The following CCDC180 variants were observed in gnomAD, a reference collection of about 807,000 sequenced individuals.
CCDC180 encodes coiled-coil domain-containing protein 180.
CCDC180 carries 154 observed loss-of-function variants against 209.2 expected under a neutral mutation model. The ratio of observed to expected loss-of-function variants is 0.74; its 90% CI spans 0.65 to 0.84. CCDC180 has a LOEUF of 0.84. CCDC180 is among the 40% of genes least tolerant of loss of function. The pLI is 0.00. For synonymous variants in CCDC180, 778 were observed against 749.1 expected, an observed-to-expected ratio of 1.04 and a Z score of -0.63; for missense variants, 1,874 against 1,997.3, an observed-to-expected ratio of 0.94 and a Z score of 1.18.
intron 11 of CCDC180, among the ~76,000 whole-genome samples, chr9:97,320,553 A>G (rs574439480): frequency 7.9e-5 from 12 of 152,300 alleles, no homozygotes; most frequent in Admixed American, 7.2e-4. Context: ...TGCTCCTCCC[A>G]GGCTGTGTGA....
rs767055626 is a variant in CCDC180 at position 97,370,071 on chromosome 9, G to C, written c.4339G>C (p.Glu1447Gln). 1 of 1,613,932 alleles carries C rather than the reference G, an allele frequency of 6.2e-7. No homozygotes were observed. The highest frequency in any genetic ancestry group is 8.5e-7 in the Non-Finnish European group (1 of 1,179,944). ...GTTCGAGGAACAGCAGAAGCGGCTG[G>C]AGAAAAGAAAGGTGAGGGCCCCAGG... ...GQFEEQQKRL[E>Q]KRKDKNAQKL... The change falls in exon 32 of 37, where the codon GAG (glutamate) becomes CAG (glutamine). Residue 1447 changes from glutamate to glutamine, a missense_variant. Transcript: ENST00000529487.
In CCDC180 at chr9:97,366,555, G is replaced by A; in HGVS notation, c.4048-4G>A. 6.2e-7 allele frequency: 1 copy of A among 1,613,804 alleles called. No homozygotes were observed. The highest frequency in any genetic ancestry group is 1.1e-5 in the South Asian group (1 of 91,052). ...CACCCGCACATGGTCACCCTCTCTG[G>A]CAGGAGTTCTACCGTAAAGAAAAAC... On this transcript the variant is annotated splice_polypyrimidine_tract_variant and splice_region_variant and intron_variant, in intron 30 of 36. Transcript: ENST00000529487. The surrounding 1 kb of genome is among the most constrained non-coding windows in gnomAD (Gnocchi z 4.3).
chr9:97,317,260 CCCACCAGG>C, intron 9 of CCDC180, 32 bp downstream of exon 9: 1 of 1,503,130 alleles, frequency 6.7e-7, no homozygotes, highest in South Asian at 1.3e-5. Context: ...CCTTCTCCAG[CCCACCAGG>C]GGGGCTGGCA....
intron 19 of CCDC180, 25 bp downstream of exon 19, chr9:97,343,588 C>A: frequency 3.4e-6 from 5 of 1,454,468 alleles, no homozygotes; most frequent in Non-Finnish European, 4.8e-6. Flanking sequence ...ATTTTATTCT[C>A]ATCCTGTTGT....
chr9:97,368,334 G>A lies in CCDC180; in HGVS notation c.4190-1588G>A, dbSNP rs558069199. 4.6e-5 allele frequency among the ~76,000 whole-genome samples: 7 copies of A among 152,254 alleles called. No homozygotes were observed. The South Asian group carries it at 1.5e-3, about 32-fold the overall frequency. On this transcript the variant is annotated intron_variant, in intron 31 of 36. Transcript: ENST00000529487. The stretch of plus-strand genomic sequence containing the variant: ...TTTGCTGACTCCCAGGTGAACTTGA[G>A]CCTCTATTTTCATGGCCTCCAGGGT...
rs1191524463 is a variant in CCDC180 at position 97,378,656 on chromosome 9, G to A, written c.*1762G>A. 2.0e-5 allele frequency: 3 copies of A among 152,364 alleles called. No homozygotes were observed. The East Asian group carries it at 5.8e-4, about 29-fold the overall frequency. The allele number at this position is 152,364 out of a possible 1,614,324, so 9.4% of individuals were successfully genotyped here. On this transcript the variant is annotated 3_prime_UTR_variant, in exon 37 of 37. Coordinates refer to ENST00000529487, the MANE Select transcript of CCDC180 (RefSeq NM_020893.6). ...CTGCCTGGGGAACCAGATCGCCTCT[G>A]TCGGACAAGGGCGAGGATGTCCCAT... is the stretch of plus-strand genomic sequence containing the variant.
intron 28 of CCDC180, chr9:97,363,559 A>G: frequency 1.9e-6 from 1 of 530,240 alleles, no homozygotes; most frequent in Admixed American, 1.9e-5. Flanking sequence ...GAGGGTGCCC[A>G]TCTACACTGG....
At chr9:97,352,614 C>T (rs143632596) in intron 22 of CCDC180, among the ~76,000 whole-genome samples, 13 of 152,164 alleles carry the variant, frequency 8.5e-5, no homozygotes, top group South Asian at 2.1e-4. Context: ...TTTCTGAGCC[C>T]CAAGAGTGGG....
chr9:97,353,872 C>T (rs1437362386), intron 22 of CCDC180, among the ~76,000 whole-genome samples: 1 of 152,084 alleles, frequency 6.6e-6, no homozygotes, highest in Admixed American at 6.6e-5. Context: ...GGATCCAGCT[C>T]TAGGCTATCC....
chr9:97,347,645 C>A, intron 20 of CCDC180, 156 bp downstream of exon 20: 1 of 668,280 alleles, frequency 1.5e-6, no homozygotes, highest in Non-Finnish European at 2.4e-6. Context: ...AGGGTTCGCA[C>A]CTCTGAGGCT....
At chr9:97,307,351 C>T (rs758863050), upstream of CCDC180, 1 of 483,802 alleles carries the variant, frequency 2.1e-6, no homozygotes. Flanking sequence ...GTCGCTGGAC[C>T]GGCCCTGGCT....
At chr9:97,342,784 G>A (rs903148030) in intron 18 of CCDC180, among the ~76,000 whole-genome samples, 7 of 152,088 alleles carry the variant, frequency 4.6e-5, no homozygotes. Context: ...ATTCTCAAAA[G>A]CTCCATATTC....
intron 18 of CCDC180, among the ~76,000 whole-genome samples, chr9:97,336,948 G>T (rs1178646136): frequency 6.6e-6 from 1 of 152,160 alleles, no homozygotes; most frequent in Non-Finnish European, 1.5e-5. Flanking sequence ...ATTCACTCAT[G>T]ATTTGGCTCT....
rs1455570239 is a variant in CCDC180 at position 97,317,317 on chromosome 9, A to T, written c.959+89A>T. The T allele has an allele frequency of 2.5e-6, 3 of 1,204,694 alleles. No individual in the cohort carries two copies. In the East Asian group the frequency reaches 8.1e-5, roughly 33 times the overall value. 74.6% of individuals were successfully genotyped at this position (1,204,694 alleles called of 1,614,324 possible). On this transcript the variant is annotated intron_variant, in intron 9 of 36. Transcript: ENST00000529487. The stretch of plus-strand genomic sequence containing the variant: ...GCATTCTCCCTCACTTTTTGCCATT[A>T]CTTAAAAATGCTGCTGTTTCTCTCT...
intron 27 of CCDC180, 42 bp downstream of exon 27, chr9:97,361,940 C>G: frequency 1.3e-6 from 2 of 1,598,594 alleles, no homozygotes; most frequent in Admixed American, 3.4e-5. Flanking sequence ...GCCACCCCTG[C>G]CCCTGGCCCT....
intron 18 of CCDC180, among the ~76,000 whole-genome samples, chr9:97,342,613 T>A (rs2118773143): frequency 6.6e-6 from 1 of 152,288 alleles, no homozygotes; most frequent in East Asian, 1.9e-4. Flanking sequence ...TTTCCTCTCC[T>A]CATATCCCTG....
intron 32 of CCDC180, 44 bp from the exon 33 acceptor site, chr9:97,370,597 G>C: frequency 6.2e-7 from 1 of 1,604,354 alleles, no homozygotes; most frequent in African/African-American, 1.3e-5. Context: ...AGTGACTTTT[G>C]GTGGGTTAAC....
chr9:97,360,244 A>C (rs1826711730), intron 26 of CCDC180, 143 bp downstream of exon 26: 1 of 1,025,186 alleles, frequency 9.8e-7, no homozygotes, highest in Middle Eastern at 3.3e-4. Context: ...GATGCTGTGG[A>C]AAGATCACAA....
chr9:97,358,738 A>C (rs895848726), intron 25 of CCDC180, among the ~76,000 whole-genome samples: 1 of 152,104 alleles, frequency 6.6e-6, no homozygotes, highest in African/African-American at 2.4e-5. Context: ...AGGCCACACC[A>C]GGGAACCATT....
Sources: gnomAD v4.1 joint callset for allele counts (sites outside exome capture counted in the v4.1 genomes callset) on GRCh38, gnomAD v4.1.1 for gene constraint, Gnocchi (gnomAD v3.1) non-coding constraint, MANE v1.5 for transcripts, NCBI Gene and HGNC (gene_info 2026-07-23, HGNC 2026-07-21) for gene names.